Variants in NMNAT3 observed in about 807,000 individuals in gnomAD.
NMNAT3 encodes the protein nicotinamide nucleotide adenylyltransferase 3.
In NMNAT3, 21 loss-of-function variants were observed where a neutral mutation model predicts 24.8. The observed-to-expected ratio is 0.85, with a 90% CI of 0.60 to 1.22. The LOEUF (loss-of-function observed/expected upper bound fraction) is 1.22. NMNAT3 is among the 50% of genes most tolerant of loss of function. The pLI is 0.00. For missense variants in NMNAT3, 387 were observed against 436.6 expected (o/e 0.89, Z 1.01); for synonymous variants, 136 against 155.2 (o/e 0.88, Z 0.92).
chr3:139,612,167 CA>C (rs11406804), intron 3 of NMNAT3, among the ~76,000 whole-genome samples: 19,727 of 128,042 alleles, frequency 0.15, 1,544 homozygotes, highest in East Asian at 0.24. Context: ...AACTCCGTCT[CA>C]AAAAAAAAAA....
At chr3:139,600,993 C>T (rs1373146122) in intron 3 of NMNAT3, among the ~76,000 whole-genome samples, 1 of 152,182 alleles carries the variant, frequency 6.6e-6, no homozygotes, top group African/African-American at 2.4e-5. Context: ...GGTCTCATGG[C>T]CCCTCAAAAA....
intron 1 of NMNAT3, among the ~76,000 whole-genome samples, chr3:139,645,361 G>A (rs1179557075): frequency 6.6e-6 from 1 of 152,302 alleles, no homozygotes; most frequent in East Asian, 1.9e-4. Flanking sequence ...AATAACAAAT[G>A]TGGGGGAAAA....
intron 2 of NMNAT3, 70 bp downstream of exon 3, chr3:139,634,541 A>C (rs2056428483): frequency 6.6e-6 from 1 of 152,176 alleles, no homozygotes; most frequent in Non-Finnish European, 1.5e-5. Flanking sequence ...TGCGATCTCC[A>C]GTACTTTTTC....
intron 4 of NMNAT3, 43 bp from the exon 5 acceptor site, chr3:139,579,098 C>A: frequency 6.5e-7 from 1 of 1,545,446 alleles, no homozygotes. Context: ...CAGACAGATG[C>A]TCACCACCTG....
chr3:139,625,475 C>G (rs2056010733), intron 3 of NMNAT3, among the ~76,000 whole-genome samples: 1 of 152,108 alleles, frequency 6.6e-6, no homozygotes, highest in South Asian at 2.1e-4. Flanking sequence ...TGCTTATTAA[C>G]TATAACTGCT....
At position 139,560,666 on chromosome 3, in the gene NMNAT3, T is replaced by G. The variant is rs1936266384; in HGVS notation, c.*344A>C. 1 of 224,758 alleles carries G rather than the reference T, an allele frequency of 4.4e-6. No individual in the cohort carries two copies. Among genetic ancestry groups the G allele is most frequent in the African/African-American group, 2.3e-5 (1 of 44,056 alleles). 13.9% of individuals were successfully genotyped at this position (224,758 alleles called of 1,614,324 possible). ...TTCTGATCTGACCCTCAGGGGCCGC[T>G]GCCATGCTCAGAACTGCATTCAGCG... On this transcript the variant is annotated 3_prime_UTR_variant, in exon 7 of 7. Transcript: ENST00000643695.
chr3:139,603,383 A>G (rs1184876033), intron 3 of NMNAT3, among the ~76,000 whole-genome samples: 1 of 152,164 alleles, frequency 6.6e-6, no homozygotes, highest in African/African-American at 2.4e-5. Flanking sequence ...TGTTACCCAG[A>G]CTTAGGAAAA....
chr3:139,627,947 G>A (rs151170388), intron 2 of NMNAT3, among the ~76,000 whole-genome samples, 183 bp from the exon 4 acceptor site: 83 of 152,314 alleles, frequency 5.4e-4, no homozygotes, highest in East Asian at 2.5e-3. Flanking sequence ...ATGCCAAGGC[G>A]TATCCTTCTC....
chr3:139,645,228 T>C (rs1482688532), intron 1 of NMNAT3, among the ~76,000 whole-genome samples: 1 of 151,922 alleles, frequency 6.6e-6, no homozygotes. Context: ...AAAATACAGC[T>C]ACCAGAAGCA....
At chr3:139,599,219 A>C (rs1559893833) in intron 3 of NMNAT3, 2 of 616,904 alleles carry the variant, frequency 3.2e-6, no homozygotes, top group East Asian at 2.8e-5. Context: ...CATGTGTCAA[A>C]ACAATTGAGA....
intron 3 of NMNAT3, among the ~76,000 whole-genome samples, chr3:139,594,090 GA>G (rs1268624508): frequency 6.6e-6 from 1 of 151,964 alleles, no homozygotes; most frequent in Non-Finnish European, 1.5e-5. Flanking sequence ...AAAAAAGAGA[GA>G]ATAATCAAAT....
At chr3:139,655,012 C>T (rs1246407069) in intron 1 of NMNAT3, among the ~76,000 whole-genome samples, 1 of 152,176 alleles carries the variant, frequency 6.6e-6, no homozygotes, top group African/African-American at 2.4e-5. Context: ...GAGCCCTAGG[C>T]TCGGTCAGGT....
intron 3 of NMNAT3, among the ~76,000 whole-genome samples, chr3:139,596,284 C>T (rs2054455668): frequency 6.6e-6 from 1 of 152,122 alleles, no homozygotes; most frequent in African/African-American, 2.4e-5. Context: ...TTTCTCTACC[C>T]CTGGAAATAT....
At chr3:139,641,823 C>T (rs954049611) in intron 1 of NMNAT3, among the ~76,000 whole-genome samples, 2 of 152,218 alleles carry the variant, frequency 1.3e-5, no homozygotes, top group African/African-American at 4.8e-5. Context: ...GTCCTTCTTG[C>T]AGCACAGCAA....
intron 1 of NMNAT3, among the ~76,000 whole-genome samples, chr3:139,653,975 C>A (rs1240889463): frequency 6.6e-6 from 1 of 152,150 alleles, no homozygotes; most frequent in South Asian, 2.1e-4. Context: ...CTCTGACCAG[C>A]GCTTCTGCTC....
chr3:139,568,026 A>G (rs1222175037), intron 6 of NMNAT3: 1 of 152,148 alleles, frequency 6.6e-6, no homozygotes, highest in Non-Finnish European at 1.5e-5. Context: ...AGAGCCTATT[A>G]TTGGTCTATT....
At chr3:139,614,906 G>A (rs1382421553) in intron 3 of NMNAT3, among the ~76,000 whole-genome samples, 1 of 152,162 alleles carries the variant, frequency 6.6e-6, no homozygotes, top group African/African-American at 2.4e-5. Context: ...TTATTTGGAT[G>A]GTTGCTAAAT....
At chr3:139,633,486 G>T (rs1398012448) in intron 2 of NMNAT3, among the ~76,000 whole-genome samples, 1 of 152,164 alleles carries the variant, frequency 6.6e-6, no homozygotes, top group African/African-American at 2.4e-5. Flanking sequence ...AGCCAAATTT[G>T]TGTTGTTTTA....
chr3:139,600,792 C>T (rs1391620930), intron 3 of NMNAT3, among the ~76,000 whole-genome samples: 1 of 152,170 alleles, frequency 6.6e-6, no homozygotes, highest in South Asian at 2.1e-4. Context: ...GTGTCTGAGC[C>T]CTTACATAGC....
Sources: allele counts gnomAD v4.1 joint callset (sites outside exome capture counted in the v4.1 genomes callset), GRCh38; gene constraint gnomAD v4.1.1; transcripts MANE v1.5; gene names NCBI Gene and HGNC (gene_info 2026-07-23, HGNC 2026-07-21).